THSD7B: variants seen among roughly 807,000 people sequenced by gnomAD.
THSD7B encodes the protein thrombospondin type-1 domain-containing protein 7B.
In THSD7B, 138 loss-of-function variants were observed where a neutral mutation model predicts 213.6. That is an observed-to-expected ratio of 0.65 (90% CI 0.56 to 0.74). The LOEUF is 0.74. Among genes scored for constraint, THSD7B ranks in the 30% least tolerant of loss-of-function variants. The pLI, the probability that THSD7B is intolerant of heterozygous loss-of-function variation, is 0.00. For synonymous variants in THSD7B, 742 were observed against 687.0 expected (o/e 1.08, Z -1.25); for missense variants, 1,931 against 1,991.5 (o/e 0.97, Z 0.58).
intron 12 of THSD7B, among the ~76,000 whole-genome samples, chr2:137,320,549 A>C (rs976107972): frequency 6.6e-6 from 1 of 152,206 alleles, no homozygotes; most frequent in Non-Finnish European, 1.5e-5. Context: ...GGCCATGTAG[A>C]AAATGAATGT....
chr2:136,943,620 G>T (rs750748577), intron 2 of THSD7B, among the ~76,000 whole-genome samples: 13 of 152,194 alleles, frequency 8.5e-5, no homozygotes, highest in Non-Finnish European at 1.6e-4. Flanking sequence ...GAGGGTGTAT[G>T]TGTTCAGGAA....
rs74472211 is a variant in THSD7B, at chr2:137,167,422, C to T, written c.1526-3319C>T. On this transcript the variant is annotated intron_variant, in intron 6 of 27. Coordinates refer to ENST00000409968, the MANE Select transcript of THSD7B (RefSeq NM_001316349.2). Reference sequence around the variant, plus strand: ...TTTACCATATTGGCCAGGCTGGAACCTGCTGGACTTTCTTCACGCCTGTCC... The same window carrying T: ...TTTACCATATTGGCCAGGCTGGAACTTGCTGGACTTTCTTCACGCCTGTCC... 8.7e-3 allele frequency among the ~76,000 whole-genome samples: 1,327 copies of T among 152,072 alleles called. 22 individuals carry two copies. Among genetic ancestry groups the T allele is most frequent in the African/African-American group, 0.03 (1,253 of 41,480 alleles).
At chr2:137,090,209 T>C (rs1000148457) in intron 3 of THSD7B, among the ~76,000 whole-genome samples, 2 of 152,104 alleles carry the variant, frequency 1.3e-5, no homozygotes, top group Middle Eastern at 3.2e-3. Context: ...ATTATGTTTT[T>C]ATATCTGAAA....
intron 15 of THSD7B, among the ~76,000 whole-genome samples, chr2:137,554,894 T>C (rs768069877): frequency 6.6e-6 from 1 of 151,970 alleles, no homozygotes; most frequent in Admixed American, 6.6e-5. Flanking sequence ...GCACACCAAA[T>C]TATGTCCCGA....
chr2:137,428,836 T>C lies in THSD7B; in HGVS notation c.2959+16964T>C, dbSNP rs1275279521. Among the ~76,000 whole-genome samples the C allele has an allele frequency of 2.6e-5, 4 of 152,226 alleles. 2 individuals carry two copies. The highest frequency in any genetic ancestry group is 2.6e-4 in the Admixed American group (4 of 15,288). The stretch of plus-strand genomic sequence containing the variant: ...AGTACATGAGTAGGACTTTTAGGGG[T>C]GATTGAGTTATGAGGACTCCACCTT... On this transcript the variant is annotated intron_variant, in intron 14 of 27. Transcript: ENST00000409968.
At chr2:137,622,091 A>T (rs185261769) in intron 20 of THSD7B, among the ~76,000 whole-genome samples, 53 of 152,240 alleles carry the variant, frequency 3.5e-4, no homozygotes, top group African/African-American at 1.3e-3. Flanking sequence ...TATGACCCAC[A>T]CACCACCCCA....
chr2:137,523,346 C>T (rs1403066759), intron 15 of THSD7B, among the ~76,000 whole-genome samples: 1 of 152,126 alleles, frequency 6.6e-6, no homozygotes, highest in Non-Finnish European at 1.5e-5. Context: ...TGGAGTTTAC[C>T]ACAGTCTGCA....
intron 2 of THSD7B, among the ~76,000 whole-genome samples, chr2:136,971,709 TATA>T (rs1417535168): frequency 3.3e-5 from 5 of 150,204 alleles, no homozygotes; most frequent in East Asian, 3.9e-4. Flanking sequence ...ATATTATACA[TATA>T]ATAAAATTAC....
intron 1 of THSD7B, among the ~76,000 whole-genome samples, chr2:136,821,060 G>A (rs969467515): frequency 6.6e-6 from 1 of 152,104 alleles, no homozygotes; most frequent in Non-Finnish European, 1.5e-5. Context: ...GGACTTTTTT[G>A]TGTATAAAAA....
At chr2:136,942,270 T>A (rs948971720) in intron 2 of THSD7B, among the ~76,000 whole-genome samples, 2 of 152,172 alleles carry the variant, frequency 1.3e-5, no homozygotes, top group Non-Finnish European at 1.5e-5. Flanking sequence ...TAATTTGAAG[T>A]CAGGTAGCAT....
At chr2:136,885,090 C>T (rs1683694197) in intron 2 of THSD7B, among the ~76,000 whole-genome samples, 2 of 152,094 alleles carry the variant, frequency 1.3e-5, no homozygotes, top group South Asian at 4.1e-4. Context: ...GGTATGTTAT[C>T]AAATCCAAGA....
At chr2:136,772,781 G>A (rs1681532445) in intron 1 of THSD7B, among the ~76,000 whole-genome samples, 1 of 152,048 alleles carries the variant, frequency 6.6e-6, no homozygotes, top group Admixed American at 6.6e-5. Context: ...GAGAAGAACT[G>A]TTCTTTAGTT....
At chr2:136,974,701 T>C (rs1042085401) in intron 2 of THSD7B, among the ~76,000 whole-genome samples, 1 of 152,216 alleles carries the variant, frequency 6.6e-6, no homozygotes. Context: ...TTGTATTCCT[T>C]CAGTTTTATA....
In THSD7B at chr2:137,564,086, T is replaced by A. The variant is rs138941231; in HGVS notation, c.3272+732T>A. Among the ~76,000 whole-genome samples the A allele has an allele frequency of 2.4e-3, 367 of 152,310 alleles. 1 individual carries two copies. Among genetic ancestry groups the A allele is most frequent in the African/African-American group, 8.5e-3 (353 of 41,580 alleles). ...TACAATATTTATACATAATGATTAG[T>A]ATGTAAAATAAATAAGAAGCATAAC... On this transcript the variant is annotated intron_variant, in intron 16 of 27. Coordinates refer to ENST00000409968, the MANE Select transcript of THSD7B (RefSeq NM_001316349.2).
At chr2:137,099,750 T>C (rs1319338423) in intron 4 of THSD7B, among the ~76,000 whole-genome samples, 1 of 152,144 alleles carries the variant, frequency 6.6e-6, no homozygotes, top group Non-Finnish European at 1.5e-5. Flanking sequence ...CAAGTAAAAC[T>C]CTTAAGAAAA....
At chr2:136,929,952 C>T (rs1684600576) in intron 2 of THSD7B, among the ~76,000 whole-genome samples, 3 of 152,126 alleles carry the variant, frequency 2.0e-5, no homozygotes, top group Admixed American at 6.5e-5. Flanking sequence ...AGCTTAATCA[C>T]AGAGAAATCC....
intron 15 of THSD7B, among the ~76,000 whole-genome samples, chr2:137,451,860 A>G (rs1687658521): frequency 6.6e-6 from 1 of 152,046 alleles, no homozygotes; most frequent in African/African-American, 2.4e-5. Flanking sequence ...TGTGTCTCAT[A>G]TGAGTTGGTA....
At chr2:137,207,415 T>C (rs183010870) in intron 7 of THSD7B, among the ~76,000 whole-genome samples, 1 of 152,174 alleles carries the variant, frequency 6.6e-6, no homozygotes, top group East Asian at 1.9e-4. Flanking sequence ...TATAAAGAAT[T>C]AGCAGTTAAT....
At position 137,141,482 on chromosome 2, in the gene THSD7B, GCACACACACACTCACACACACA is replaced by G. The variant is rs945497985; in HGVS notation, c.1370-18719_1370-18698del. On this transcript the variant is annotated intron_variant, in intron 5 of 27. Transcript: ENST00000409968. ...AAATTGCGTAGAAACACACATGTGTGCACACACACACTCACACACACACACACACACACACACACAGGAATGC... is the reference window on the plus strand; with the variant it reads ...AAATTGCGTAGAAACACACATGTGTGCACACACACACACACACAGGAATGC... 7.7e-4 allele frequency among the ~76,000 whole-genome samples: 61 copies of G among 79,224 alleles called. 1 individual carries two copies. Among genetic ancestry groups the G allele is most frequent in the Admixed American group, 4.9e-3 (35 of 7,204 alleles). 52.0% of individuals were successfully genotyped at this position (79,224 alleles called of 152,430 possible). A position where few individuals can be genotyped will look rare whatever the true frequency, so the allele number is the denominator to read the frequency against.
Sources: gnomAD v4.1 joint callset for allele counts (sites outside exome capture counted in the v4.1 genomes callset) on GRCh38, gnomAD v4.1.1 for gene constraint, MANE v1.5 for transcripts, NCBI Gene and HGNC (gene_info 2026-07-23, HGNC 2026-07-21) for gene names.